KRT9: variants seen among roughly 807,000 people sequenced by gnomAD.
The protein encoded by KRT9 is keratin, type I cytoskeletal 9.
A neutral mutation model predicts 51.4 loss-of-function variants in KRT9; 34 were observed. The ratio of observed to expected loss-of-function variants is 0.66; its 90% confidence interval spans 0.50 to 0.88. KRT9 has a LOEUF of 0.88. Ranked by LOEUF, KRT9 falls within the 40% of genes least tolerant of loss-of-function variation. KRT9 has a pLI of 0.00. For synonymous variants in KRT9, 292 were observed against 289.7 expected (o/e 1.01, Z -0.08); for missense variants, 753 against 790.3 (o/e 0.95, Z 0.57).
At chr17:41,567,885 G>T in intron 6 of KRT9, 135 bp from the exon 7 acceptor site, 1 of 1,518,752 alleles carries the variant, frequency 6.6e-7, no homozygotes. Context: ...ACAGAGTCTG[G>T]GCGGGCACCA....
At chr17:41,567,188 G>A in intron 7 of KRT9, 45 bp downstream of exon 7, 2 of 1,593,114 alleles carry the variant, frequency 1.3e-6, no homozygotes, top group South Asian at 1.1e-5. Flanking sequence ...AAAAAAAAAG[G>A]TGAGACCTTG....
In KRT9 at chr17:41,569,017, G is replaced by A. The variant is rs142058810; in HGVS notation, c.1045-384C>T. On this transcript the variant is annotated intron_variant, in intron 4 of 7. Transcript: ENST00000246662. ...GGCTGGGCACTGGAGACTCAAGGAC[G>A]AAGGGAACCACCAAGGAGCTCAGTA... 6.2e-3 allele frequency among the ~76,000 whole-genome samples: 938 copies of A among 151,820 alleles called. 8 individuals carry two copies. Among genetic ancestry groups the A allele is most frequent in the Middle Eastern group, 0.01 (3 of 294 alleles).
rs1235144792 is a variant in KRT9, at chr17:41,571,711, GGAA to G, written c.279_281del (p.Ser94del). 6.2e-7 allele frequency: 1 copy of G among 1,609,762 alleles called. No individual in the cohort carries two copies. The highest frequency in any genetic ancestry group is 2.2e-5 in the East Asian group (1 of 44,488). On this transcript the variant is annotated inframe_deletion, in exon 1 of 8. Transcript: ENST00000246662. The stretch of plus-strand genomic sequence containing the variant: ...CTCCAGAAGCACCACCAAAACCTCT[GGAA>G]CCACCCCCAAAGCCACCGCCTAAAC...
chr17:41,567,500 C>G lies in KRT9; in HGVS notation c.1645G>C (p.Gly549Arg). 1 of 1,551,160 alleles carries G rather than the reference C, an allele frequency of 6.4e-7. No individual in the cohort carries two copies. Among genetic ancestry groups the G allele is most frequent in the Middle Eastern group, 1.7e-4 (1 of 5,994 alleles). The change falls in exon 7 of 8, where the codon GGT becomes CGT. Residue 549 changes from glycine to arginine, a missense_variant. Gly to Arg is a moderately radical substitution (Grantham distance 125). Transcript: ENST00000246662. ...GGGHSGGSGGGHSGGSGGNYG... is the reference protein window; with the variant it reads ...GGGHSGGSGGRHSGGSGGNYG... ...TTGCCCCCACTTCCTCCACTATGAC[C>G]ACCTCCACTTCCTCCGCTATGGCCA... is the stretch of plus-strand genomic sequence containing the variant.
chr17:41,570,003 C>G lies in KRT9; in HGVS notation c.738G>C (p.Glu246Asp). ...CATCCACTCCTTGCCGCAGGTTTTG[C>G]TCCATCTCAAACCTGCAGACCAGCC... ...LDDFRIKFEM[E>D]QNLRQGVDAD... Residue 246 changes from glutamate (E) to aspartate (D), a missense_variant, in exon 3 of 8, where the codon GAG (glutamate) becomes GAC (aspartate). Transcript: ENST00000246662. The G allele has an allele frequency of 6.2e-7, 1 of 1,614,160 alleles. No individual in the cohort carries two copies. The highest frequency in any genetic ancestry group is 8.5e-7 in the Non-Finnish European group (1 of 1,180,028).
chr17:41,571,874 C>T lies in KRT9; in HGVS notation c.119G>A (p.Gly40Asp), dbSNP rs750515556. 2 of 1,611,844 alleles carry T rather than the reference C, an allele frequency of 1.2e-6. No individual in the cohort carries two copies. Among genetic ancestry groups the T allele is most frequent in the African/African-American group, 2.7e-5 (2 of 74,896 alleles). The change falls in exon 1 of 8, where the codon GGC becomes GAC. Residue 40 changes from glycine (G) to aspartate (D), a missense_variant. This residue lies in a region of KRT9 where 241 missense variants were observed against 210.3 expected (regional missense o/e 1.15). Coordinates refer to ENST00000246662, the MANE Select transcript of KRT9 (RefSeq NM_000226.4). ...GCTGAATCGGCCCCCTCCTCCACCG[C>T]CCCCTGAGGAGCTGAAGCGGCTGTA... is the stretch of plus-strand genomic sequence containing the variant. ...SSYSRFSSSG[G>D]GGGGGRFSSS... is the part of the protein sequence containing the mutation.
In KRT9 at chr17:41,568,567, T is replaced by C. The variant is rs1322364986; in HGVS notation, c.1111A>G (p.Thr371Ala). 3 of 1,614,040 alleles carry C rather than the reference T, an allele frequency of 1.9e-6. No homozygotes were observed. The highest frequency in any genetic ancestry group is 2.5e-6 in the Non-Finnish European group (3 of 1,179,978). Residue 371 changes from threonine (T) to alanine (A), a missense_variant, in exon 5 of 8, where the codon ACC (threonine) becomes GCC (alanine). Around this residue, in one of 3 missense-constraint regions of KRT9, gnomAD observed 507 missense variants for 563.7 expected, o/e 0.90. Transcript: ENST00000246662. The stretch of plus-strand genomic sequence containing the variant: ...TCCTGGACACCGTGCCGGAGCTGGG[T>C]CACCTCCTTGGCACTGGACTGCACC... ...QEVQSSAKEV[T>A]QLRHGVQELE...
chr17:41,567,324 A>G lies in KRT9; in HGVS notation c.1821T>C (p.Ser607=). ...CTCCTCCGTAGCCGCCACCACTTCC[A>G]CTCGCTTCTTCACCGCCTCCGTAGC... is the stretch of plus-strand genomic sequence containing the variant. ...GGSYGGGEEA[S]GSGGGYGGGS... The change falls in exon 7 of 8, where the codon AGT becomes AGC. Residue 607 remains serine (S), a synonymous_variant. Coordinates refer to ENST00000246662, the MANE Select transcript of KRT9 (RefSeq NM_000226.4). 1 of 1,613,692 alleles carries G rather than the reference A, an allele frequency of 6.2e-7. No homozygotes were observed. Among genetic ancestry groups the G allele is most frequent in the Non-Finnish European group, 8.5e-7 (1 of 1,179,916 alleles).
chr17:41,567,897 A>G (rs1597792925), intron 6 of KRT9, 147 bp from the exon 7 acceptor site: 2 of 1,478,022 alleles, frequency 1.4e-6, no homozygotes, highest in East Asian at 4.5e-5. Context: ...CGGGCACCAC[A>G]GCTGGGAGAG....
Position 41,569,760 on chromosome 17 carries a change from G to A in KRT9, c.882+99C>T, listed in dbSNP as rs576987996. ...AGTTGAAAGTGTCCTCAAGAGCAAA[G>A]GAGAGGGTGTCTCCCAGGTAATGTT... On this transcript the variant is annotated intron_variant, in intron 3 of 7. Transcript: ENST00000246662. 53 of 1,529,134 alleles carry A rather than the reference G, an allele frequency of 3.5e-5. No homozygotes were observed. In the East Asian group the frequency reaches 1.1e-3, roughly 33 times the overall value. 94.7% of individuals were successfully genotyped at this position (1,529,134 alleles called of 1,614,324 possible).
rs769234316 is a variant in KRT9, at chr17:41,569,480, A to G, written c.990T>C (p.Tyr330=). The G allele has an allele frequency of 6.2e-7, 1 of 1,614,058 alleles. No homozygotes were observed. The highest frequency in any genetic ancestry group is 1.3e-5 in the African/African-American group (1 of 74,924). ...TTCTGTTCTTAGCAATGAGCTGCTC[A>G]TACTCCTGACGCATGTCATTGAGGG... ...TKTLNDMRQE[Y]EQLIAKNRKD... is the part of the protein sequence containing the mutation. Residue 330 remains tyrosine, a synonymous_variant, in exon 4 of 8, where the codon TAT becomes TAC. Coordinates refer to ENST00000246662, the MANE Select transcript of KRT9 (RefSeq NM_000226.4).
chr17:41,568,489 C>T lies in KRT9; in HGVS notation c.1170+19G>A, dbSNP rs768848116. 5.6e-6 allele frequency: 9 copies of T among 1,614,178 alleles called. No homozygotes were observed. The South Asian group carries it at 6.6e-5, about 12-fold the overall frequency. ...CCTGTGCCCCACCTTGGCAAAGGGT[C>T]TATAGCAGAACTACCAACCTTGCTG... On this transcript the variant is annotated intron_variant, in intron 5 of 7. Transcript: ENST00000246662.
rs1263741776 is a variant in KRT9 at position 41,571,961 on chromosome 17, A to T, written c.32T>A (p.Leu11Ter). 1 of 1,585,036 alleles carries T rather than the reference A, an allele frequency of 6.3e-7. No individual in the cohort carries two copies. The highest frequency in any genetic ancestry group is 1.1e-5 in the South Asian group (1 of 87,412). ...CCCGCCACCCCCGCCGCTGCGGCTC[A>T]AGTAGGACGAGGAGAACTGTCTGCA... MSCRQFSSSY[L>*]SRSGGGGGGG... The change falls in exon 1 of 8, where the codon TTG becomes TAG. Residue 11 changes from leucine to a stop codon, truncating the protein, a stop_gained. Transcript: ENST00000246662. LOFTEE classifies it high-confidence loss of function.
chr17:41,567,177 A>AC, intron 7 of KRT9, 56 bp downstream of exon 7: 5 of 1,579,746 alleles, frequency 3.2e-6, no homozygotes, highest in African/African-American at 2.7e-5. Flanking sequence ...AATACTCAAA[A>AC]AAAAAAAAAG....
rs1422970927 is a variant in KRT9, at chr17:41,569,977, G to C, written c.764C>G (p.Ala255Gly). 2 of 1,614,048 alleles carry C rather than the reference G, an allele frequency of 1.2e-6. No homozygotes were observed. The highest frequency in any genetic ancestry group is 1.7e-6 in the Non-Finnish European group (2 of 1,180,042). Residue 255 changes from alanine to glycine, a missense_variant, in exon 3 of 8, where the codon GCT (alanine) becomes GGT (glycine). Ala to Gly is a moderately conservative substitution (Grantham distance 60). This residue lies in a region of KRT9 where 507 missense variants were observed against 563.7 expected (regional missense o/e 0.90). Transcript: ENST00000246662. ...MEQNLRQGVDADINGLRQVLD... is the reference protein window; with the variant it reads ...MEQNLRQGVDGDINGLRQVLD... ...CACCTGCCGCAGGCCATTGATGTCAGCATCCACTCCTTGCCGCAGGTTTTG... is the reference window on the plus strand; with the variant it reads ...CACCTGCCGCAGGCCATTGATGTCACCATCCACTCCTTGCCGCAGGTTTTG...
At position 41,571,757 on chromosome 17, in the gene KRT9, C is replaced by T. The variant is rs898333521; in HGVS notation, c.236G>A (p.Gly79Asp). Residue 79 changes from glycine (G) to aspartate (D), a missense_variant, in exon 1 of 8, where the codon GGT (glycine) becomes GAT (aspartate). By Grantham distance (94) the Gly-to-Asp change is moderately conservative. Around this residue, in one of 3 missense-constraint regions of KRT9, gnomAD observed 241 missense variants for 210.3 expected, o/e 1.15. Coordinates refer to ENST00000246662, the MANE Select transcript of KRT9 (RefSeq NM_000226.4). ...GCCTAAACTACTGGCACTAAAACCA[C>T]CCCCAGATCCTCCGCCGTAGCTGTA... ...FGYSYGGGSGGGFSASSLGGG... is the reference protein window; with the variant it reads ...FGYSYGGGSGDGFSASSLGGG... 2 of 1,613,752 alleles carry T rather than the reference C, an allele frequency of 1.2e-6. No homozygotes were observed. Among genetic ancestry groups the T allele is most frequent in the East Asian group, 4.5e-5 (2 of 44,848 alleles).
Position 41,567,654 on chromosome 17 carries a change from A to G in KRT9, c.1491T>C (p.Tyr497=), listed in dbSNP as rs1456505923. 6.2e-7 allele frequency: 1 copy of G among 1,605,610 alleles called. No individual in the cohort carries two copies. The highest frequency in any genetic ancestry group is 8.5e-7 in the Non-Finnish European group (1 of 1,175,894). The change falls in exon 7 of 8, where the codon TAT becomes TAC. Residue 497 remains tyrosine (Y), a synonymous_variant. Coordinates refer to ENST00000246662, the MANE Select transcript of KRT9 (RefSeq NM_000226.4). The stretch of plus-strand genomic sequence containing the variant: ...AGCCACCTCCACTTCCTCCTCCACC[A>G]TAGCTGCCTCCACTTCCTCCCCTGG... The part of the protein sequence containing the change: ...RGSRGGSGGS[Y]GGGGSGGGYG...
chr17:41,570,484 G>A (rs558595187), intron 1 of KRT9, among the ~76,000 whole-genome samples: 2 of 152,200 alleles, frequency 1.3e-5, no homozygotes, highest in African/African-American at 4.8e-5. Context: ...CTGACATCCT[G>A]TTCCTCAGGG....
Position 41,567,301 on chromosome 17 carries a change from C to T in KRT9, c.1844G>A (p.Gly615Glu), listed in dbSNP as rs1906900779. 1 of 1,614,184 alleles carries T rather than the reference C, an allele frequency of 6.2e-7. No homozygotes were observed. Among genetic ancestry groups the T allele is most frequent in the African/African-American group, 1.3e-5 (1 of 75,028 alleles). The change falls in exon 7 of 8, where the codon GGA becomes GAA. Residue 615 changes from glycine to glutamate, a missense_variant. Gly to Glu is a moderately conservative substitution (Grantham distance 98, BLOSUM62 -2). Transcript: ENST00000246662. Reference protein sequence around the residue: ...EASGSGGGYGGGSGKSSHS With the variant: ...EASGSGGGYGEGSGKSSHS ...GGAATGGGATGATTTTCCGCTTCCTCCTCCGTAGCCGCCACCACTTCCACT... is the reference window on the plus strand; with the variant it reads ...GGAATGGGATGATTTTCCGCTTCCTTCTCCGTAGCCGCCACCACTTCCACT...
Sources: allele counts gnomAD v4.1 joint callset (sites outside exome capture counted in the v4.1 genomes callset), GRCh38; gene constraint gnomAD v4.1.1; regional missense constraint gnomAD v4.1.1; transcripts MANE v1.5; gene names NCBI Gene and HGNC (gene_info 2026-07-23, HGNC 2026-07-21).